EDIL3: variants seen among roughly 807,000 people sequenced by gnomAD.
EDIL3 encodes EGF-like repeat and discoidin I-like domain-containing protein 3.
In EDIL3, 37 loss-of-function variants were observed where a neutral mutation model predicts 67.4. The observed-to-expected ratio is 0.55, with a 90% CI of 0.42 to 0.72. EDIL3 has a LOEUF of 0.72. EDIL3 is among the 30% of genes least tolerant of loss of function. The pLI, the probability that EDIL3 is intolerant of heterozygous loss-of-function variation, is 0.00. For synonymous variants in EDIL3, 195 were observed against 196.3 expected (o/e 0.99, Z 0.05); for missense variants, 527 against 586.3 (o/e 0.90, Z 1.04).
chr5:84,301,953 G>A (rs115304338), intron 1 of EDIL3, among the ~76,000 whole-genome samples: 1,760 of 152,188 alleles, frequency 0.012, 29 homozygotes, highest in African/African-American at 0.041. Context: ...GTGGGACACA[G>A]GAACTTAAAA....
At chr5:84,382,431 A>T (rs1748099266) in intron 1 of EDIL3, among the ~76,000 whole-genome samples, 1 of 152,084 alleles carries the variant, frequency 6.6e-6, no homozygotes, top group South Asian at 2.1e-4. Flanking sequence ...CACATAGGCA[A>T]GCGCGGCCAC....
intron 10 of EDIL3, among the ~76,000 whole-genome samples, chr5:83,946,876 G>A (rs922015737): frequency 2.5e-4 from 38 of 151,858 alleles, no homozygotes; most frequent in Non-Finnish European, 3.4e-4. Context: ...GTAAAAATGT[G>A]CTTCTTTTCA....
At chr5:84,045,237 G>C (rs947285221) in intron 9 of EDIL3, among the ~76,000 whole-genome samples, 3 of 152,052 alleles carry the variant, frequency 2.0e-5, no homozygotes, top group Non-Finnish European at 4.4e-5. Flanking sequence ...AGGAATTATG[G>C]GAGCTACAAT....
At chr5:83,969,564 A>G (rs923480834) in intron 9 of EDIL3, among the ~76,000 whole-genome samples, 1 of 151,818 alleles carries the variant, frequency 6.6e-6, no homozygotes, top group Non-Finnish European at 1.5e-5. Flanking sequence ...GAAGAAAAAC[A>G]GACTCAACTC....
chr5:84,238,280 T>TTA (rs1239124155), intron 2 of EDIL3, among the ~76,000 whole-genome samples: 1 of 152,132 alleles, frequency 6.6e-6, no homozygotes, highest in Non-Finnish European at 1.5e-5. Flanking sequence ...TTTTCATTGC[T>TTA]TATATTCCAA....
intron 2 of EDIL3, among the ~76,000 whole-genome samples, chr5:84,239,233 A>G (rs1744745616): frequency 6.6e-6 from 1 of 152,144 alleles, no homozygotes; most frequent in African/African-American, 2.4e-5. Context: ...CCTAGTCATC[A>G]TTTTTGTTGA....
At chr5:84,050,392 C>T (rs916136447) in intron 9 of EDIL3, among the ~76,000 whole-genome samples, 5 of 152,154 alleles carry the variant, frequency 3.3e-5, no homozygotes, top group African/African-American at 1.2e-4. Flanking sequence ...GTGAGCGACA[C>T]AGAAGACGAG....
At chr5:84,285,415 T>A (rs1451795916) in intron 1 of EDIL3, among the ~76,000 whole-genome samples, 2 of 152,200 alleles carry the variant, frequency 1.3e-5, no homozygotes, top group Non-Finnish European at 2.9e-5. Flanking sequence ...CTACAGTATC[T>A]CATATTTAAG....
intron 4 of EDIL3, among the ~76,000 whole-genome samples, chr5:84,162,919 T>C (rs1345874300): frequency 6.6e-6 from 1 of 152,138 alleles, no homozygotes; most frequent in Non-Finnish European, 1.5e-5. Context: ...GACATCATCA[T>C]AATAAAAGGA....
At chr5:84,137,461 TTG>T (rs1057160948) in intron 4 of EDIL3, 107 bp from the exon 5 acceptor site, 13 of 954,322 alleles carry the variant, frequency 1.4e-5, no homozygotes, top group East Asian at 2.6e-5. Context: ...TGCTATTCCT[TTG>T]TGTGTGTGTA....
At chr5:84,015,430 T>C (rs890848586) in intron 9 of EDIL3, among the ~76,000 whole-genome samples, 2 of 152,194 alleles carry the variant, frequency 1.3e-5, no homozygotes, top group Non-Finnish European at 2.9e-5. Flanking sequence ...GTAAGTTTAT[T>C]TGCTAGACAT....
At chr5:84,175,722 C>T (rs1748890707) in intron 4 of EDIL3, among the ~76,000 whole-genome samples, 1 of 152,134 alleles carries the variant, frequency 6.6e-6, no homozygotes, top group African/African-American at 2.4e-5. Flanking sequence ...GAATTCCTCC[C>T]CTCACAGCAT....
chr5:83,985,169 G>A (rs1484651952), intron 9 of EDIL3, among the ~76,000 whole-genome samples: 1 of 151,196 alleles, frequency 6.6e-6, no homozygotes, highest in Non-Finnish European at 1.5e-5. Context: ...CTAATCGTAT[G>A]CTATATTTCC....
chr5:84,272,625 C>T (rs1291327413), intron 1 of EDIL3, among the ~76,000 whole-genome samples: 1 of 152,072 alleles, frequency 6.6e-6, no homozygotes, highest in Non-Finnish European at 1.5e-5. Flanking sequence ...GTTTAAGAGG[C>T]TTAGAATTTT....
At chr5:84,035,672 T>C (rs551601736) in intron 9 of EDIL3, among the ~76,000 whole-genome samples, 1 of 152,302 alleles carries the variant, frequency 6.6e-6, no homozygotes, top group East Asian at 1.9e-4. Context: ...TATTATACTT[T>C]CTTTTACTTC....
intron 10 of EDIL3, among the ~76,000 whole-genome samples, chr5:83,947,510 T>C (rs555857023): frequency 6.6e-6 from 1 of 151,786 alleles, no homozygotes; most frequent in South Asian, 2.1e-4. Context: ...ATAAGAACAG[T>C]CTTTGGTAGC....
chr5:84,225,905 A>C (rs910076098), intron 3 of EDIL3, among the ~76,000 whole-genome samples: 3 of 151,678 alleles, frequency 2.0e-5, no homozygotes, highest in Non-Finnish European at 4.4e-5. Flanking sequence ...TTTAAAATTC[A>C]AAATTCATAC....
At chr5:84,109,337 C>G (rs1195170365) in intron 5 of EDIL3, among the ~76,000 whole-genome samples, 1 of 152,100 alleles carries the variant, frequency 6.6e-6, no homozygotes, top group Non-Finnish European at 1.5e-5. Context: ...GAAACCCTGT[C>G]TCTACTGAAA....
intron 9 of EDIL3, among the ~76,000 whole-genome samples, chr5:84,049,531 T>G (rs1326683809): frequency 1.3e-5 from 2 of 152,220 alleles, no homozygotes; most frequent in Non-Finnish European, 2.9e-5. Flanking sequence ...CTCTGTGAGT[T>G]AAATGTTACT....
Sources: allele counts gnomAD v4.1 joint callset (sites outside exome capture counted in the v4.1 genomes callset), GRCh38; gene constraint gnomAD v4.1.1; transcripts MANE v1.5; gene names NCBI Gene and HGNC (gene_info 2026-07-23, HGNC 2026-07-21).